Variants in MARCHF8 observed in about 807,000 individuals in gnomAD.
MARCHF8 encodes E3 ubiquitin-protein ligase MARCHF8.
A neutral mutation model predicts 51.6 loss-of-function variants in MARCHF8; 40 were observed. The ratio of observed to expected loss-of-function variants is 0.77; its 90% CI spans 0.60 to 1.01. MARCHF8 has a LOEUF of 1.01. Ranked by LOEUF, MARCHF8 falls within the 50% of genes least tolerant of loss-of-function variation. The probability of loss-of-function intolerance (pLI) is 0.00; values close to 1 mark genes in which losing one functional copy is unlikely to be tolerated. For synonymous variants in MARCHF8, 263 were observed against 280.3 expected (o/e 0.94, Z 0.62); for missense variants, 685 against 708.6 (o/e 0.97, Z 0.38).
chr10:45,523,828 A>G (rs888536617), intron 2 of MARCHF8, among the ~76,000 whole-genome samples: 1 of 152,136 alleles, frequency 6.6e-6, no homozygotes, highest in African/African-American at 2.4e-5. Flanking sequence ...GATTATGTAC[A>G]CTCTTAACTA....
intron 2 of MARCHF8, among the ~76,000 whole-genome samples, chr10:45,522,430 A>G (rs946609639): frequency 1.1e-4 from 16 of 152,176 alleles, no homozygotes; most frequent in African/African-American, 3.4e-4. Flanking sequence ...TAATTAGATG[A>G]AAAGACCTTT....
intron 2 of MARCHF8, among the ~76,000 whole-genome samples, chr10:45,504,500 A>G (rs1487715458): frequency 6.6e-6 from 1 of 151,776 alleles, no homozygotes; most frequent in Non-Finnish European, 1.5e-5. Flanking sequence ...TGTGCTATAC[A>G]CCTTGTTTTT....
chr10:45,503,676 C>T (rs904384499), intron 2 of MARCHF8, among the ~76,000 whole-genome samples: 1 of 151,924 alleles, frequency 6.6e-6, no homozygotes, highest in East Asian at 1.9e-4. Context: ...AAAATATATA[C>T]CAAGCAAACA....
At chr10:45,562,902 T>C (rs1280412774) in intron 1 of MARCHF8, among the ~76,000 whole-genome samples, 1 of 151,912 alleles carries the variant, frequency 6.6e-6, no homozygotes, top group African/African-American at 2.4e-5. Context: ...AGTTGACCCT[T>C]TGAATAGTAC....
intron 3 of MARCHF8, among the ~76,000 whole-genome samples, chr10:45,485,403 C>T (rs148435612): frequency 6.6e-6 from 1 of 152,178 alleles, no homozygotes; most frequent in Non-Finnish European, 1.5e-5. Context: ...TAACATTGTA[C>T]TATCAATACA....
intron 1 of MARCHF8, among the ~76,000 whole-genome samples, chr10:45,545,785 G>C (rs974614689): frequency 1.3e-5 from 2 of 152,130 alleles, no homozygotes; most frequent in African/African-American, 4.8e-5. Flanking sequence ...TACTGCACTA[G>C]TATCACCTCA....
At chr10:45,505,417 C>A (rs897131897) in intron 2 of MARCHF8, among the ~76,000 whole-genome samples, 12 of 152,194 alleles carry the variant, frequency 7.9e-5, no homozygotes, top group South Asian at 4.1e-4. Flanking sequence ...GTTGCTATCG[C>A]CAAATTCTGT....
In MARCHF8 at chr10:45,458,256, C is replaced by T. The variant is rs779020261; in HGVS notation, c.1705G>A (p.Glu569Lys). The change falls in exon 8 of 8, where the codon GAA becomes AAA. Residue 569 changes from glutamate (E) to lysine (K), a missense_variant. Glu to Lys is a moderately conservative substitution (Grantham distance 56). Transcript: ENST00000453424. ...CCTEPEDTGA[E>K]IIHV ...GCACACAATCAGACGTGAATGATTT[C>T]TGCTCCAGTGTCTTCAGGCTCTGTG... is the stretch of plus-strand genomic sequence containing the variant. 6.2e-7 allele frequency: 1 copy of T among 1,610,698 alleles called. No individual in the cohort carries two copies. Among genetic ancestry groups the T allele is most frequent in the Non-Finnish European group, 8.5e-7 (1 of 1,178,224 alleles).
chr10:45,588,002 T>C (rs2044635768), intron 1 of MARCHF8, among the ~76,000 whole-genome samples: 1 of 152,100 alleles, frequency 6.6e-6, no homozygotes, highest in Admixed American at 6.5e-5. Flanking sequence ...GACCCATAGC[T>C]CATACCAAAC....
intron 1 of MARCHF8, among the ~76,000 whole-genome samples, chr10:45,558,296 T>C (rs537633114): frequency 5.9e-5 from 9 of 152,266 alleles, no homozygotes; most frequent in South Asian, 2.1e-4. Context: ...CGGACATTCA[T>C]TCTACAGCAA....
intron 2 of MARCHF8, among the ~76,000 whole-genome samples, chr10:45,519,433 G>GC (rs1305700455): frequency 6.6e-6 from 1 of 152,192 alleles, no homozygotes; most frequent in African/African-American, 2.4e-5. Flanking sequence ...GTAGACTACT[G>GC]CAATAATCTA....
At chr10:45,542,359 A>G (rs2044066408) in intron 1 of MARCHF8, among the ~76,000 whole-genome samples, 2 of 151,244 alleles carry the variant, frequency 1.3e-5, no homozygotes, top group Non-Finnish European at 3.0e-5. Context: ...AAAAAAAAAA[A>G]AAAAAAAAAA....
At chr10:45,496,877 C>T (rs575226167) in intron 2 of MARCHF8, among the ~76,000 whole-genome samples, 1 of 151,608 alleles carries the variant, frequency 6.6e-6, no homozygotes, top group Non-Finnish European at 1.5e-5. Flanking sequence ...TATTACAATA[C>T]AAAATAATGC....
chr10:45,471,999 G>A (rs2042699971), intron 3 of MARCHF8, among the ~76,000 whole-genome samples: 1 of 152,224 alleles, frequency 6.6e-6, no homozygotes, highest in African/African-American at 2.4e-5. Flanking sequence ...CTACTCATCT[G>A]GCCAGCCCTG....
intron 1 of MARCHF8, among the ~76,000 whole-genome samples, chr10:45,555,951 C>G (rs1248050165): frequency 6.6e-6 from 1 of 151,980 alleles, no homozygotes; most frequent in African/African-American, 2.4e-5. Flanking sequence ...AGAGTCTTCT[C>G]TGTACTAGTA....
chr10:45,535,252 G>C lies in MARCHF8; in HGVS notation c.-120C>G, dbSNP rs1340012244. ...ACTCCCTGGGAGATCACAATAGTCA[G>C]TGGTAAGCAGTTTTTTCATCACTAA... On this transcript the variant is annotated 5_prime_UTR_variant, in exon 1 of 8. Transcript: ENST00000453424. 1 of 152,218 alleles carries C rather than the reference G, an allele frequency of 6.6e-6. No individual in the cohort carries two copies. The highest frequency in any genetic ancestry group is 1.5e-5 in the Non-Finnish European group (1 of 68,036). The allele number at this position is 152,218 out of a possible 1,614,324, so 9.4% of individuals were successfully genotyped here. A position where few individuals can be genotyped will look rare whatever the true frequency, so the allele number is the denominator to read the frequency against.
At chr10:45,571,128 G>C (rs759365726) in intron 1 of MARCHF8, among the ~76,000 whole-genome samples, 3 of 152,070 alleles carry the variant, frequency 2.0e-5, no homozygotes, top group Non-Finnish European at 4.4e-5. Flanking sequence ...AAAAGACCTA[G>C]AACGGCCAAA....
At chr10:45,475,434 T>C (rs191065112) in intron 3 of MARCHF8, among the ~76,000 whole-genome samples, 1 of 152,262 alleles carries the variant, frequency 6.6e-6, no homozygotes, top group East Asian at 1.9e-4. Context: ...TCCTACCCAG[T>C]TCCTGAGTAA....
At chr10:45,543,797 C>CAAAAA (rs35514763) in intron 1 of MARCHF8, among the ~76,000 whole-genome samples, 1,687 of 49,716 alleles carry the variant, frequency 0.034, 103 homozygotes, top group Non-Finnish European at 0.051. Flanking sequence ...GACTCCGTCT[C>CAAAAA]AAAAAAAAAA....
Sources: gnomAD v4.1 joint callset for allele counts (sites outside exome capture counted in the v4.1 genomes callset) on GRCh38, gnomAD v4.1.1 for gene constraint, MANE v1.5 for transcripts, NCBI Gene and HGNC (gene_info 2026-07-23, HGNC 2026-07-21) for gene names.